The following PTPN9 variants were observed in gnomAD, a reference collection of about 807,000 sequenced individuals.
PTPN9 encodes the protein protein tyrosine phosphatase non-receptor type 9, also known as tyrosine-protein phosphatase non-receptor type 9.
PTPN9 carries 26 observed loss-of-function variants against 69.8 expected under a neutral mutation model. The ratio of observed to expected loss-of-function variants is 0.37; its 90% confidence interval spans 0.27 to 0.52. The LOEUF is 0.52. Ranked by LOEUF, PTPN9 falls within the 20% of genes least tolerant of loss-of-function variation. The pLI is 0.91. For synonymous variants in PTPN9, 274 were observed against 272.5 expected (o/e 1.01, Z -0.05); for missense variants, 549 against 740.3 (o/e 0.74, Z 3.00).
intron 1 of PTPN9, among the ~76,000 whole-genome samples, chr15:75,575,747 G>A (rs951068955): frequency 7.3e-5 from 11 of 149,878 alleles, no homozygotes; most frequent in East Asian, 2.0e-4. Flanking sequence ...GGGAAACCCC[G>A]TCTCTACTAA....
At chr15:75,504,676 C>T (rs1278471940) in intron 7 of PTPN9, among the ~76,000 whole-genome samples, 1 of 145,560 alleles carries the variant, frequency 6.9e-6, no homozygotes, top group East Asian at 2.1e-4. Context: ...GCCGCCCTGT[C>T]CGGGAGGGAG....
chr15:75,548,094 G>C (rs190438784), intron 1 of PTPN9, among the ~76,000 whole-genome samples: 1 of 152,124 alleles, frequency 6.6e-6, no homozygotes, highest in Admixed American at 6.6e-5. Flanking sequence ...AACAGATTTC[G>C]AACTGTTAGG....
At chr15:75,512,787 ATCCTCT>A (rs1043233950) in intron 5 of PTPN9, 36 of 270,040 alleles carry the variant, frequency 1.3e-4, no homozygotes, top group African/African-American at 8.2e-4. Context: ...TCATTTCCCC[ATCCTCT>A]TCCTCTTCCA....
At chr15:75,505,595 G>T in intron 7 of PTPN9, 80 bp downstream of exon 7, 1 of 1,039,062 alleles carries the variant, frequency 9.6e-7, no homozygotes, top group Non-Finnish European at 1.5e-6. Flanking sequence ...CTAAGCAAGT[G>T]AGGGGTGGAA....
At chr15:75,538,745 C>G (rs1243152833) in intron 1 of PTPN9, among the ~76,000 whole-genome samples, 2 of 151,622 alleles carry the variant, frequency 1.3e-5, no homozygotes, top group Non-Finnish European at 2.9e-5. Flanking sequence ...CAGTGTATAT[C>G]TAAGTATACA....
At chr15:75,539,387 C>G (rs2074998727) in intron 1 of PTPN9, among the ~76,000 whole-genome samples, 1 of 151,136 alleles carries the variant, frequency 6.6e-6, no homozygotes. Context: ...AATCTTGGCT[C>G]ACTGCAACCT....
At chr15:75,559,442 C>T (rs1368650982) in intron 1 of PTPN9, among the ~76,000 whole-genome samples, 1 of 152,188 alleles carries the variant, frequency 6.6e-6, no homozygotes, top group Non-Finnish European at 1.5e-5. Context: ...ATTCTTCTGC[C>T]TTGGGATGCT....
intron 1 of PTPN9, among the ~76,000 whole-genome samples, chr15:75,570,702 G>A (rs1162677686): frequency 3.3e-5 from 5 of 151,750 alleles, no homozygotes; most frequent in African/African-American, 1.2e-4. Context: ...GGGAGGCTGG[G>A]AGGTCGAGGC....
chr15:75,557,986 G>A (rs1238420316), intron 1 of PTPN9, among the ~76,000 whole-genome samples: 1 of 152,038 alleles, frequency 6.6e-6, no homozygotes, highest in Non-Finnish European at 1.5e-5. Flanking sequence ...CCAGAGGTCA[G>A]GAGTTCAAGA....
chr15:75,537,753 C>CAAAAAAA (rs1164644727), intron 1 of PTPN9, among the ~76,000 whole-genome samples: 120 of 11,376 alleles, frequency 0.011, 13 homozygotes, highest in East Asian at 0.083. Context: ...GACTCCATCT[C>CAAAAAAA]AAAAAAAAAA....
intron 1 of PTPN9, among the ~76,000 whole-genome samples, chr15:75,547,064 G>A (rs1368583229): frequency 6.6e-6 from 1 of 151,902 alleles, no homozygotes; most frequent in East Asian, 1.9e-4. Flanking sequence ...GGGAGGCCTG[G>A]GTGGGTGGAT....
intron 12 of PTPN9, among the ~76,000 whole-genome samples, chr15:75,469,369 T>C (rs1373349449): frequency 6.6e-6 from 1 of 152,188 alleles, no homozygotes; most frequent in African/African-American, 2.4e-5. Context: ...ACCTTTGAAA[T>C]AGAAAGGCCA....
chr15:75,475,305 C>A (rs114171803), intron 9 of PTPN9, among the ~76,000 whole-genome samples: 1 of 152,042 alleles, frequency 6.6e-6, no homozygotes, highest in Non-Finnish European at 1.5e-5. Context: ...ACCGGCCGGG[C>A]GCAGGGCTCA....
chr15:75,559,768 CAAAAAAA>C (rs5813803), intron 1 of PTPN9, among the ~76,000 whole-genome samples: 1 of 95,076 alleles, frequency 1.1e-5, no homozygotes, highest in Non-Finnish European at 2.3e-5. Flanking sequence ...GAATGGTCAA[CAAAAAAA>C]AAAAAAAAAA....
intron 1 of PTPN9, among the ~76,000 whole-genome samples, chr15:75,576,067 TA>T (rs1303804148): frequency 4.7e-5 from 7 of 150,016 alleles, no homozygotes; most frequent in Non-Finnish European, 1.0e-4. Flanking sequence ...CCGTCTCTAG[TA>T]AAAATACAAA....
intron 5 of PTPN9, chr15:75,512,970 G>A (rs1027440348): frequency 2.8e-5 from 11 of 394,420 alleles, no homozygotes; most frequent in African/African-American, 1.3e-4. Context: ...TAATCCATTC[G>A]CCACTTAAGT....
chr15:75,503,865 A>G, intron 7 of PTPN9, among the ~76,000 whole-genome samples: 1 of 105,250 alleles, frequency 9.5e-6, no homozygotes, highest in Non-Finnish European at 1.9e-5. Flanking sequence ...AGGGGGGGTC[A>G]GCCCTCCGCC....
At chr15:75,521,627 CT>C (rs2074905683) in intron 4 of PTPN9, among the ~76,000 whole-genome samples, 1 of 151,938 alleles carries the variant, frequency 6.6e-6, no homozygotes, top group African/African-American at 2.4e-5. Context: ...GGGAGGATTG[CT>C]TAAGTCCAGG....
At chr15:75,523,325 G>A (rs906344840) in intron 3 of PTPN9, 80 bp from the exon 4 acceptor site, 32 of 1,461,680 alleles carry the variant, frequency 2.2e-5, no homozygotes, top group Non-Finnish European at 3.0e-5. Flanking sequence ...TACTGGATAA[G>A]GGTTTGATAC....
Sources: allele counts gnomAD v4.1 joint callset (sites outside exome capture counted in the v4.1 genomes callset), GRCh38; gene constraint gnomAD v4.1.1; transcripts MANE v1.5; gene names NCBI Gene and HGNC (gene_info 2026-07-23, HGNC 2026-07-21).